Variants in DPH6 observed in about 807,000 individuals in gnomAD.
DPH6 encodes the protein diphthamine biosynthesis 6, also known as diphthine--ammonia ligase.
DPH6 carries 33 observed loss-of-function variants against 38.2 expected under a neutral mutation model. The observed-to-expected ratio is 0.86, with a 90% CI of 0.65 to 1.15. The LOEUF (loss-of-function observed/expected upper bound fraction) is 1.15. Among genes scored for constraint, DPH6 ranks in the 50% most tolerant of loss-of-function variants. The pLI is 0.00. For missense variants in DPH6, 325 were observed against 320.0 expected, an observed-to-expected ratio of 1.02 and a Z score of -0.12; for synonymous variants, 108 against 103.0, an observed-to-expected ratio of 1.05 and a Z score of -0.30.
At chr15:35,386,761 G>C (rs375705974) in intron 6 of DPH6, among the ~76,000 whole-genome samples, 1 of 152,010 alleles carries the variant, frequency 6.6e-6, no homozygotes, top group East Asian at 1.9e-4. Flanking sequence ...AGATGAGTAG[G>C]TTGCAAAAAT....
intron 3 of DPH6, among the ~76,000 whole-genome samples, chr15:35,462,957 T>A (rs575473109): frequency 1.3e-5 from 2 of 152,066 alleles, no homozygotes; most frequent in South Asian, 4.1e-4. Flanking sequence ...GTAATATACA[T>A]AACAAAGGGT....
intron 3 of DPH6, among the ~76,000 whole-genome samples, chr15:35,279,084 T>TATAA (rs1440623243): frequency 3.5e-5 from 5 of 143,312 alleles, no homozygotes; most frequent in African/African-American, 1.1e-4. Context: ...TATATATATA[T>TATAA]AATTTTGGAG....
chr15:35,192,076 T>C, the DPH6 span, among the ~76,000 whole-genome samples: 1 of 152,216 alleles, frequency 6.6e-6, no homozygotes, highest in Non-Finnish European at 1.5e-5. Context: ...ACGATGGTTG[T>C]GATCTCTGAT....
At chr15:35,521,455 T>C in intron 3 of DPH6, 3 of 1,180,656 alleles carry the variant, frequency 2.5e-6, no homozygotes, top group Admixed American at 4.5e-5. Context: ...ATAGGCTGAT[T>C]GCTTTTCATT....
chr15:35,388,204 G>A (rs1055477925), intron 6 of DPH6, among the ~76,000 whole-genome samples: 14 of 152,156 alleles, frequency 9.2e-5, no homozygotes, highest in Non-Finnish European at 1.9e-4. Context: ...ACTTGATCAT[G>A]GTGAATAAGC....
chr15:35,183,140 C>T, the DPH6 span, among the ~76,000 whole-genome samples: 1 of 152,208 alleles, frequency 6.6e-6, no homozygotes, highest in Non-Finnish European at 1.5e-5. Flanking sequence ...AACAGCTCTA[C>T]TTTACAAATC....
At chr15:35,316,178 TTAG>T (rs1195521167) in intron 3 of DPH6, among the ~76,000 whole-genome samples, 1 of 152,188 alleles carries the variant, frequency 6.6e-6, no homozygotes, top group Non-Finnish European at 1.5e-5. Flanking sequence ...TTCAAAATAG[TTAG>T]TAGAGAATAA....
chr15:35,218,698 T>C (rs530640435), exon 4 of DPH6: 17 of 152,308 alleles, frequency 1.1e-4, no homozygotes, highest in African/African-American at 3.8e-4. Context: ...AACTGAATTA[T>C]GAAACGTGAG....
At chr15:35,184,536 C>G in the DPH6 span, among the ~76,000 whole-genome samples, 1 of 151,792 alleles carries the variant, frequency 6.6e-6, no homozygotes, top group African/African-American at 2.4e-5. Context: ...ACAGTGAAGA[C>G]GTTGACCTAA....
chr15:35,236,445 G>T (rs2017644), intron 3 of DPH6, among the ~76,000 whole-genome samples: 36,442 of 151,592 alleles, frequency 0.24, 4,530 homozygotes, highest in South Asian at 0.32. Context: ...GAGACCATCC[G>T]GGCTAACACG....
At chr15:35,519,384 T>A (rs1315902526) in intron 3 of DPH6, 5 of 151,954 alleles carry the variant, frequency 3.3e-5, no homozygotes, top group East Asian at 1.9e-4. Flanking sequence ...AAATTATTTT[T>A]AAAAAATACT....
At chr15:35,419,561 A>G (rs2053479108) in intron 5 of DPH6, among the ~76,000 whole-genome samples, 1 of 152,160 alleles carries the variant, frequency 6.6e-6, no homozygotes, top group Non-Finnish European at 1.5e-5. Flanking sequence ...GACTCAGTTC[A>G]CCTTAAAACA....
intron 2 of DPH6, among the ~76,000 whole-genome samples, chr15:35,541,352 C>T (rs185002132): frequency 2.0e-5 from 3 of 152,194 alleles, no homozygotes; most frequent in East Asian, 1.9e-4. Context: ...ATCAACCTTG[C>T]GTGAACTCCT....
At chr15:35,268,402 C>T (rs961768589) in intron 3 of DPH6, among the ~76,000 whole-genome samples, 6 of 151,242 alleles carry the variant, frequency 4.0e-5, no homozygotes, top group African/African-American at 1.5e-4. Flanking sequence ...AAATACAGGT[C>T]TGAGAGATAT....
At chr15:35,390,302 A>C (rs1221338470) in intron 6 of DPH6, among the ~76,000 whole-genome samples, 1 of 152,128 alleles carries the variant, frequency 6.6e-6, no homozygotes, top group African/African-American at 2.4e-5. Flanking sequence ...ACTTTGGTGA[A>C]TCTGACAATT....
intron 3 of DPH6, among the ~76,000 whole-genome samples, chr15:35,358,430 AT>A: frequency 6.6e-6 from 1 of 152,212 alleles, no homozygotes; most frequent in East Asian, 1.9e-4. Context: ...TTAAACTAGT[AT>A]GATTTTTTTG....
At chr15:35,336,948 A>T (rs1035827379) in intron 3 of DPH6, among the ~76,000 whole-genome samples, 1 of 152,062 alleles carries the variant, frequency 6.6e-6, no homozygotes, top group African/African-American at 2.4e-5. Flanking sequence ...TATCAGGATG[A>T]TGCTGGCCTC....
At chr15:35,154,825 C>T in the DPH6 span, among the ~76,000 whole-genome samples, 1 of 152,010 alleles carries the variant, frequency 6.6e-6, no homozygotes, top group African/African-American at 2.4e-5. Context: ...CCCTACACCG[C>T]CATAAGATAT....
intron 3 of DPH6, among the ~76,000 whole-genome samples, chr15:35,522,561 G>C (rs1246805572): frequency 6.6e-6 from 1 of 152,046 alleles, no homozygotes; most frequent in African/African-American, 2.4e-5. Flanking sequence ...AACCAACCCT[G>C]AAAGAAAAAC....
Sources: gnomAD v4.1 joint callset for allele counts (sites outside exome capture counted in the v4.1 genomes callset) on GRCh38, gnomAD v4.1.1 for gene constraint, MANE v1.5 for transcripts, NCBI Gene and HGNC (gene_info 2026-07-23, HGNC 2026-07-21) for gene names.